The following CFAP46 variants were observed in gnomAD, a reference collection of about 807,000 sequenced individuals.
The protein encoded by CFAP46 is cilia and flagella associated protein 46.
In CFAP46, 245 loss-of-function variants were observed where a neutral mutation model predicts 325.7. The ratio of observed to expected loss-of-function variants is 0.75; its 90% CI spans 0.68 to 0.84. The LOEUF (loss-of-function observed/expected upper bound fraction) is 0.84. CFAP46 is among the 40% of genes least tolerant of loss of function. The pLI, the probability that CFAP46 is intolerant of heterozygous loss-of-function variation, is 0.00. For missense variants in CFAP46, 3,346 were observed against 3,543.0 expected, an observed-to-expected ratio of 0.94 and a Z score of 1.41; for synonymous variants, 1,523 against 1,495.9, an observed-to-expected ratio of 1.02 and a Z score of -0.42.
At chr10:132,822,143 T>C (rs1417029577) in intron 50 of CFAP46, among the ~76,000 whole-genome samples, 3 of 130,596 alleles carry the variant, frequency 2.3e-5, no homozygotes, top group Admixed American at 7.4e-5. Context: ...GCTGTGTGTG[T>C]GCTGATGTGT....
chr10:132,890,197 T>C (rs538773381), intron 25 of CFAP46, among the ~76,000 whole-genome samples: 11 of 152,066 alleles, frequency 7.2e-5, no homozygotes, highest in Admixed American at 5.2e-4. Flanking sequence ...TGAAGGGGTC[T>C]GGGCTGCCCA....
intron 27 of CFAP46, 53 bp downstream of exon 27, chr10:132,885,050 C>A: frequency 6.6e-7 from 1 of 1,504,030 alleles, no homozygotes; most frequent in South Asian, 1.3e-5. Flanking sequence ...ACGGTTCTCC[C>A]TTTCACTAAA....
intron 4 of CFAP46, 42 bp downstream of exon 4, chr10:132,940,954 T>G: frequency 6.3e-7 from 1 of 1,596,588 alleles, no homozygotes; most frequent in Non-Finnish European, 8.6e-7. Context: ...TCTGAAGTCT[T>G]TCACCCAGTC....
intron 40 of CFAP46, among the ~76,000 whole-genome samples, chr10:132,850,752 CA>C (rs1321913459): frequency 6.6e-6 from 1 of 152,194 alleles, no homozygotes; most frequent in Non-Finnish European, 1.5e-5. Context: ...ATATTTCCCT[CA>C]AAACATTCTA....
intron 21 of CFAP46, 55 bp from the exon 22 acceptor site, chr10:132,908,689 C>T (rs996042392): frequency 7.4e-5 from 109 of 1,475,534 alleles, no homozygotes; most frequent in Non-Finnish European, 8.6e-5. Flanking sequence ...GAACTTCCCA[C>T]GGCCTGCAGC....
At chr10:132,931,661 C>T (rs187855036) in intron 8 of CFAP46, among the ~76,000 whole-genome samples, 3 of 134,688 alleles carry the variant, frequency 2.2e-5, no homozygotes, top group Non-Finnish European at 3.3e-5. Flanking sequence ...CCTACACTCC[C>T]CACACAGAGC....
At chr10:132,913,630 C>T (rs574380754) in intron 17 of CFAP46, among the ~76,000 whole-genome samples, 19 of 152,306 alleles carry the variant, frequency 1.2e-4, no homozygotes, top group African/African-American at 3.8e-4. Flanking sequence ...CTGTCTCCCA[C>T]GAAACCAGTC....
intron 7 of CFAP46, among the ~76,000 whole-genome samples, chr10:132,935,066 T>C (rs1258826991): frequency 6.6e-6 from 1 of 152,048 alleles, no homozygotes; most frequent in Non-Finnish European, 1.5e-5. Context: ...CCGGCCTTCC[T>C]ACAAGGCTGG....
At chr10:132,837,406 GAC>G (rs1848270283) in intron 44 of CFAP46, among the ~76,000 whole-genome samples, 1 of 151,066 alleles carries the variant, frequency 6.6e-6, no homozygotes, top group Admixed American at 6.6e-5. Context: ...CATGGACCCA[GAC>G]ACAGACATGC....
intron 19 of CFAP46, among the ~76,000 whole-genome samples, chr10:132,911,129 C>T (rs1256291720): frequency 1.3e-5 from 2 of 152,216 alleles, no homozygotes; most frequent in African/African-American, 2.4e-5. Context: ...CCGCCCACGG[C>T]GCCCTCCCCT....
In CFAP46 at chr10:132,850,432, G is replaced by A. The variant is rs1276415400; in HGVS notation, c.5764C>T (p.Gln1922Ter). The A allele has an allele frequency of 2.6e-6, 4 of 1,557,050 alleles. No homozygotes were observed. The highest frequency in any genetic ancestry group is 3.5e-6 in the Non-Finnish European group (4 of 1,148,458). The change falls in exon 41 of 58, where the codon CAA becomes TAA. Residue 1922 changes from glutamine (Q) to a stop codon, truncating the protein, a stop_gained and splice_region_variant. Transcript: ENST00000368586. LOFTEE classifies it high-confidence loss of function. ...AGAGTCCGCTTCAGCGTGAACCATT[G>A]CTTCGAAAAGACAGACATGTTACAG... ...NTSDYTSVGL[Q>*]WFTLKRTLAH...
At chr10:132,824,444 T>C (rs1160892042) in intron 50 of CFAP46, among the ~76,000 whole-genome samples, 21 of 128,472 alleles carry the variant, frequency 1.6e-4, no homozygotes, top group African/African-American at 5.4e-4. Flanking sequence ...TGCTGTGTGC[T>C]GATGTGTGCT....
rs918999956 is a variant in CFAP46, at chr10:132,884,241, G to A, written c.3627+862C>T. 3.3e-5 allele frequency among the ~76,000 whole-genome samples: 5 copies of A among 152,138 alleles called. No homozygotes were observed. The highest frequency in any genetic ancestry group is 2.1e-4 in the South Asian group (1 of 4,826). ...GTGGCCTCTGGTTCCCCGGAGCGAGGAGCAGTGGCTCCCTGTGGCTCCCCA... is the reference window on the plus strand; with the variant it reads ...GTGGCCTCTGGTTCCCCGGAGCGAGAAGCAGTGGCTCCCTGTGGCTCCCCA... On this transcript the variant is annotated intron_variant, in intron 27 of 57. Transcript: ENST00000368586. The surrounding 1 kb of genome is among the most constrained non-coding windows in gnomAD (Gnocchi z 5.4).
intron 26 of CFAP46, among the ~76,000 whole-genome samples, 171 bp downstream of exon 26, chr10:132,885,650 G>A (rs942136046): frequency 1.6e-4 from 24 of 150,118 alleles, no homozygotes; most frequent in African/African-American, 4.4e-4. Flanking sequence ...AGCACACTCC[G>A]GTGGGGGAGC....
chr10:132,860,479 G>C lies in CFAP46; in HGVS notation c.5136C>G (p.Leu1712=), dbSNP rs1473571872. The change falls in exon 37 of 58, where the codon CTC becomes CTG. Residue 1712 remains leucine, a synonymous_variant. Transcript: ENST00000368586. Reference sequence around the variant, plus strand: ...GCAATCGGTTTGGTCTTTCTTTCTTGAGGATCTTGAAGGCATTGATGAGCT... The same window carrying C: ...GCAATCGGTTTGGTCTTTCTTTCTTCAGGATCTTGAAGGCATTGATGAGCT... ...FQKLINAFKI[L]KKERPNRLPL... is the part of the protein sequence containing the mutation. 3.9e-6 allele frequency: 6 copies of C among 1,551,118 alleles called. No individual in the cohort carries two copies. In the African/African-American group the frequency reaches 8.2e-5, roughly 21 times the overall value.
chr10:132,838,746 G>A (rs987936270), intron 44 of CFAP46, among the ~76,000 whole-genome samples: 4 of 152,246 alleles, frequency 2.6e-5, no homozygotes, highest in Non-Finnish European at 5.9e-5. Flanking sequence ...GCAGAGTCAG[G>A]TGCAGACTTG....
rs549373073 is a variant in CFAP46, at chr10:132,925,483, G to A, written c.1066-597C>T. ...TCTGAAAGCCTCGTACGCCGGTGCC[G>A]GCCCCTCTGAGGTCCTCAGCAGGTG... On this transcript the variant is annotated intron_variant, in intron 10 of 57. Transcript: ENST00000368586. 3.5e-4 allele frequency among the ~76,000 whole-genome samples: 54 copies of A among 152,358 alleles called. 1 individual carries two copies. The highest frequency in any genetic ancestry group is 3.4e-3 in the Middle Eastern group (1 of 294).
intron 39 of CFAP46, among the ~76,000 whole-genome samples, chr10:132,854,575 G>C (rs1354259791): frequency 6.6e-6 from 1 of 152,068 alleles, no homozygotes; most frequent in Non-Finnish European, 1.5e-5. Flanking sequence ...CTGACCTCGT[G>C]ATCTGCCCTC....
rs372215052 is a variant in CFAP46 at position 132,917,958 on chromosome 10, CT to C, written c.1986+434del. On this transcript the variant is annotated intron_variant, in intron 16 of 57. Coordinates refer to ENST00000368586, the MANE Select transcript of CFAP46 (RefSeq NM_001200049.3). The stretch of plus-strand genomic sequence containing the variant: ...CGCACCTCAGCACCGATGAACCCCC[CT>C]CTCCACGACGCACCTCAGCACCGAT... 5.4e-3 allele frequency among the ~76,000 whole-genome samples: 283 copies of C among 52,792 alleles called. 4 individuals are homozygous for C. Among genetic ancestry groups the C allele is most frequent in the Non-Finnish European group, 7.1e-3 (188 of 26,350 alleles). 34.6% of individuals were successfully genotyped at this position (52,792 alleles called of 152,430 possible). A position where few individuals can be genotyped will look rare whatever the true frequency, so the allele number is the denominator to read the frequency against.
Sources: allele counts gnomAD v4.1 joint callset (sites outside exome capture counted in the v4.1 genomes callset), GRCh38; gene constraint gnomAD v4.1.1; non-coding constraint Gnocchi (gnomAD v3.1); transcripts MANE v1.5; gene names NCBI Gene and HGNC (gene_info 2026-07-23, HGNC 2026-07-21).